The following PLEKHA6 variants were observed in gnomAD, a reference collection of about 807,000 sequenced individuals.
The protein encoded by PLEKHA6 is pleckstrin homology domain-containing family A member 6.
A neutral mutation model predicts 116.7 loss-of-function variants in PLEKHA6; 60 were observed. The observed-to-expected ratio is 0.51, with a 90% CI of 0.42 to 0.64. PLEKHA6 has a LOEUF of 0.64. PLEKHA6 is among the 30% of genes least tolerant of loss of function. The probability of loss-of-function intolerance (pLI) is 0.00; values close to 1 mark genes in which losing one functional copy is unlikely to be tolerated. For missense variants in PLEKHA6, 1,338 were observed against 1,422.7 expected (o/e 0.94, Z 0.96); for synonymous variants, 489 against 556.1 (o/e 0.88, Z 1.70).
rs1661780387 is a variant in PLEKHA6 at position 204,234,982 on chromosome 1, A to AG, written c.2410-4397_2410-4396insC. Among the ~76,000 whole-genome samples, 11 of 19,968 alleles carry AG rather than the reference A, an allele frequency of 5.5e-4. 1 individual carries two copies. The highest frequency in any genetic ancestry group is 1.9e-3 in the African/African-American group (10 of 5,176). The allele number at this position is 19,968 out of a possible 152,430, so 13.1% of individuals were successfully genotyped here. The stretch of plus-strand genomic sequence containing the variant: ...TATATATATATATATATATATATAT[A>AG]TATATATATATATATATATATATAT... On this transcript the variant is annotated intron_variant, in intron 17 of 22. Coordinates refer to ENST00000272203, the MANE Select transcript of PLEKHA6 (RefSeq NM_014935.5).
chr1:204,350,572 G>A (rs778889461), intron 1 of PLEKHA6, among the ~76,000 whole-genome samples: 10 of 152,152 alleles, frequency 6.6e-5, no homozygotes, highest in Non-Finnish European at 1.5e-4. Context: ...CACTATGGAA[G>A]GAGAGGAAGG....
At chr1:204,332,308 C>A (rs1672482720) in intron 1 of PLEKHA6, among the ~76,000 whole-genome samples, 1 of 152,214 alleles carries the variant, frequency 6.6e-6, no homozygotes, top group Non-Finnish European at 1.5e-5. Flanking sequence ...TCTTCAGGGA[C>A]CACAGGGCCT....
At chr1:204,371,053 C>CAAAAAAAAAA (rs34493461) in intron 2 of PLEKHA6, among the ~76,000 whole-genome samples, 23 of 68,482 alleles carry the variant, frequency 3.4e-4, no homozygotes, top group Middle Eastern at 7.4e-3. Context: ...GACTCTGCCT[C>CAAAAAAAAAA]AAAAAAAAAA....
chr1:204,358,990 C>A (rs1240862333), intron 1 of PLEKHA6, among the ~76,000 whole-genome samples: 2 of 151,070 alleles, frequency 1.3e-5, no homozygotes, highest in African/African-American at 4.9e-5. Context: ...CCCCAACTGT[C>A]CTCCTTTCCT....
At chr1:204,334,395 C>A (rs1049372826) in intron 1 of PLEKHA6, among the ~76,000 whole-genome samples, 1 of 152,200 alleles carries the variant, frequency 6.6e-6, no homozygotes, top group Non-Finnish European at 1.5e-5. Flanking sequence ...TACATTTGTG[C>A]TCCTCATAAG....
chr1:204,272,053 C>T (rs777340456), intron 3 of PLEKHA6, among the ~76,000 whole-genome samples: 9 of 152,080 alleles, frequency 5.9e-5, no homozygotes, highest in Admixed American at 2.0e-4. Context: ...CCCCCTTCCC[C>T]GGATTAAGAA....
At position 204,220,221 on chromosome 1, in the gene PLEKHA6, G is replaced by C. The variant is rs1659506826; in HGVS notation, c.*2567C>G. 1 of 152,288 alleles carries C rather than the reference G, an allele frequency of 6.6e-6. No individual in the cohort carries two copies. The highest frequency in any genetic ancestry group is 2.1e-4 in the South Asian group (1 of 4,826). 9.4% of individuals were successfully genotyped at this position (152,288 alleles called of 1,614,324 possible). On this transcript the variant is annotated 3_prime_UTR_variant, in exon 23 of 23. Transcript: ENST00000272203. ...GGGGTAGTCTAGCAGCCCATCTGGG[G>C]TGCATGCCTGCATGGGTCTCCTTTG...
At chr1:204,268,424 GC>G in intron 3 of PLEKHA6, 112 bp from the exon 4 acceptor site, 1 of 549,060 alleles carries the variant, frequency 1.8e-6, no homozygotes. Flanking sequence ...ACCCTGGGGT[GC>G]CCTCACACCA....
intron 1 of PLEKHA6, chr1:204,275,110 G>A (rs886988195): frequency 1.7e-5 from 3 of 179,934 alleles, no homozygotes; most frequent in African/African-American, 4.8e-5. Flanking sequence ...TCCTAAGTGT[G>A]GGGAAGAGGG....
chr1:204,331,943 C>T (rs1672468943), intron 1 of PLEKHA6, among the ~76,000 whole-genome samples: 1 of 152,198 alleles, frequency 6.6e-6, no homozygotes, highest in African/African-American at 2.4e-5. Flanking sequence ...GGAGCCTCCC[C>T]TTACCAGCCT....
intron 9 of PLEKHA6, 30 bp from the exon 10 acceptor site, chr1:204,250,644 C>G (rs763610268): frequency 1.8e-5 from 28 of 1,520,714 alleles, no homozygotes; most frequent in Non-Finnish European, 2.6e-5. Context: ...GTTACTGCAG[C>G]AGGGGCAGGA....
At chr1:204,325,638 A>G (rs572937322) in intron 1 of PLEKHA6, among the ~76,000 whole-genome samples, 64 of 152,238 alleles carry the variant, frequency 4.2e-4, no homozygotes, top group Admixed American at 2.5e-3. Flanking sequence ...TGGTTCCTCT[A>G]TAAGATCTGG....
In PLEKHA6 at chr1:204,291,492, T is replaced by C. The variant is rs1669749741; in HGVS notation, c.-94-16683A>G. Among the ~76,000 whole-genome samples, 4 of 152,336 alleles carry C rather than the reference T, an allele frequency of 2.6e-5. No individual in the cohort carries two copies. The South Asian group carries it at 8.3e-4, about 32-fold the overall frequency. On this transcript the variant is annotated intron_variant, in intron 1 of 22. Coordinates refer to ENST00000272203, the MANE Select transcript of PLEKHA6 (RefSeq NM_014935.5). Reference sequence around the variant, plus strand: ...TTGTAGACAGATGTTCACAGCAGCCTTATTTGTGACAGCCCCAAACTACAA... The same window carrying C: ...TTGTAGACAGATGTTCACAGCAGCCCTATTTGTGACAGCCCCAAACTACAA...
At chr1:204,366,489 G>A (rs1673649381) in intron 3 of PLEKHA6, among the ~76,000 whole-genome samples, 1 of 152,180 alleles carries the variant, frequency 6.6e-6, no homozygotes, top group Non-Finnish European at 1.5e-5. Flanking sequence ...GCCCAGGCAT[G>A]GTGGCTCACG....
At chr1:204,293,446 A>T (rs1669974582) in intron 1 of PLEKHA6, among the ~76,000 whole-genome samples, 1 of 152,100 alleles carries the variant, frequency 6.6e-6, no homozygotes, top group African/African-American at 2.4e-5. Context: ...ATCAAGACTT[A>T]TTTTAACGCG....
chr1:204,268,214 G>C lies in PLEKHA6; in HGVS notation c.201C>G (p.Phe67Leu). Residue 67 changes from phenylalanine (F) to leucine (L), a missense_variant, in exon 4 of 23, where the codon TTC becomes TTG. This residue lies in a region of PLEKHA6 where 140 missense variants were observed against 197.4 expected (regional missense o/e 0.71). Coordinates refer to ENST00000272203, the MANE Select transcript of PLEKHA6 (RefSeq NM_014935.5). ...NAPVTKAGWLFKQASSGVKQW... is the reference protein window; with the variant it reads ...NAPVTKAGWLLKQASSGVKQW... ...AACCGCAGGGTGGCCTCACCTGTTTGAAGAGCCAGCCCGCCTTGGTGACAG... is the reference window on the plus strand; with the variant it reads ...AACCGCAGGGTGGCCTCACCTGTTTCAAGAGCCAGCCCGCCTTGGTGACAG... The C allele has an allele frequency of 6.2e-7, 1 of 1,610,198 alleles. No individual in the cohort carries two copies. Among genetic ancestry groups the C allele is most frequent in the South Asian group, 1.1e-5 (1 of 90,710 alleles).
intron 1 of PLEKHA6, chr1:204,299,798 AGTTG>A: frequency 5.4e-6 from 1 of 186,716 alleles, no homozygotes; most frequent in Non-Finnish European, 1.0e-5. Context: ...TCTGTTCTCT[AGTTG>A]GCTGGAGCAG....
intron 1 of PLEKHA6, among the ~76,000 whole-genome samples, chr1:204,326,193 G>C (rs1392200476): frequency 1.3e-5 from 2 of 152,204 alleles, no homozygotes; most frequent in Non-Finnish European, 2.9e-5. Flanking sequence ...AGCTGAAACA[G>C]AGCCCGGCTC....
chr1:204,258,580 C>T (rs961438969), intron 8 of PLEKHA6, among the ~76,000 whole-genome samples: 4 of 152,238 alleles, frequency 2.6e-5, no homozygotes, highest in Admixed American at 1.3e-4. Flanking sequence ...AGGTTCCTCC[C>T]GGGCCCCATG....
Sources: allele counts gnomAD v4.1 joint callset (sites outside exome capture counted in the v4.1 genomes callset), GRCh38; gene constraint gnomAD v4.1.1; regional missense constraint gnomAD v4.1.1; transcripts MANE v1.5; gene names NCBI Gene and HGNC (gene_info 2026-07-23, HGNC 2026-07-21).